Variants in EPHA6 observed in about 807,000 individuals in gnomAD.
The protein encoded by EPHA6 is ephrin type-A receptor 6.
A neutral mutation model predicts 112.0 loss-of-function variants in EPHA6; 50 were observed. The observed-to-expected ratio is 0.45, with a 90% CI of 0.36 to 0.56. The LOEUF (loss-of-function observed/expected upper bound fraction) is 0.56. Among genes scored for constraint, EPHA6 ranks in the 20% least tolerant of loss-of-function variants. The pLI is 0.00. For missense variants in EPHA6, 1,280 were observed against 1,417.4 expected, an observed-to-expected ratio of 0.90 and a Z score of 1.56; for synonymous variants, 529 against 490.7, an observed-to-expected ratio of 1.08 and a Z score of -1.03.
intron 11 of EPHA6, among the ~76,000 whole-genome samples, chr3:97,546,407 G>T (rs1245848933): frequency 6.6e-6 from 1 of 152,180 alleles, no homozygotes; most frequent in Non-Finnish European, 1.5e-5. Flanking sequence ...CTCTCTTCTG[G>T]CTTGTAGAGT....
At chr3:97,016,755 C>T (rs938322297) in intron 3 of EPHA6, among the ~76,000 whole-genome samples, 1 of 152,170 alleles carries the variant, frequency 6.6e-6, no homozygotes, top group Non-Finnish European at 1.5e-5. Flanking sequence ...TGGCTCTATA[C>T]ACTTGTCTCT....
chr3:97,250,589 T>C (rs1197466276), intron 5 of EPHA6, among the ~76,000 whole-genome samples: 1 of 152,240 alleles, frequency 6.6e-6, no homozygotes, highest in African/African-American at 2.4e-5. Context: ...TTAAACCAGA[T>C]TAGCAGATGT....
At chr3:97,698,600 CA>C (rs1329548830) in intron 14 of EPHA6, among the ~76,000 whole-genome samples, 3 of 152,204 alleles carry the variant, frequency 2.0e-5, no homozygotes, top group Non-Finnish European at 4.4e-5. Flanking sequence ...ATTTATAGGA[CA>C]TTTTTATTCA....
chr3:97,181,893 G>C (rs1214015265), intron 3 of EPHA6, among the ~76,000 whole-genome samples: 1 of 151,964 alleles, frequency 6.6e-6, no homozygotes. Context: ...GGTACTCCAG[G>C]GACTGTCACT....
chr3:96,893,677 G>A (rs1353441883), intron 2 of EPHA6, among the ~76,000 whole-genome samples: 1 of 152,192 alleles, frequency 6.6e-6, no homozygotes, highest in African/African-American at 2.4e-5. Flanking sequence ...AGAAGGGCCT[G>A]TATCAGATAC....
chr3:96,828,963 C>T (rs1000153977), intron 1 of EPHA6, among the ~76,000 whole-genome samples: 3 of 152,194 alleles, frequency 2.0e-5, no homozygotes, highest in Non-Finnish European at 2.9e-5. Flanking sequence ...AAAATAATGA[C>T]TTATACAAAG....
intron 6 of EPHA6, among the ~76,000 whole-genome samples, chr3:97,446,793 T>C (rs529166238): frequency 7.2e-5 from 11 of 152,298 alleles, no homozygotes; most frequent in African/African-American, 2.6e-4. Flanking sequence ...ATATGTGTTT[T>C]AAGCCACCTA....
chr3:97,277,540 G>A (rs1346265681), intron 5 of EPHA6, among the ~76,000 whole-genome samples: 1 of 152,192 alleles, frequency 6.6e-6, no homozygotes, highest in East Asian at 1.9e-4. Flanking sequence ...CTTGGGCTCA[G>A]AGGCCTGACA....
chr3:97,187,915 A>T (rs2077199755), intron 3 of EPHA6, among the ~76,000 whole-genome samples: 1 of 152,120 alleles, frequency 6.6e-6, no homozygotes, highest in African/African-American at 2.4e-5. Context: ...ACTCTCCCAA[A>T]ATATAAGAGG....
chr3:97,137,379 A>G (rs1273688724), intron 3 of EPHA6, among the ~76,000 whole-genome samples: 1 of 152,106 alleles, frequency 6.6e-6, no homozygotes, highest in Non-Finnish European at 1.5e-5. Flanking sequence ...GCTAGAGTCA[A>G]ACTGCTTGGA....
chr3:96,907,763 A>G (rs568780913), intron 2 of EPHA6, among the ~76,000 whole-genome samples: 2 of 151,948 alleles, frequency 1.3e-5, no homozygotes, highest in Non-Finnish European at 2.9e-5. Context: ...AAAATAATTT[A>G]CAACATACCT....
intron 5 of EPHA6, among the ~76,000 whole-genome samples, chr3:97,325,972 T>C (rs1047963787): frequency 1.3e-5 from 2 of 152,088 alleles, no homozygotes; most frequent in African/African-American, 4.8e-5. Context: ...CATAGGATTA[T>C]TCAAGAGATA....
chr3:97,518,289 G>A (rs2092478794), intron 10 of EPHA6, among the ~76,000 whole-genome samples: 1 of 152,048 alleles, frequency 6.6e-6, no homozygotes, highest in South Asian at 2.1e-4. Flanking sequence ...ATTATATCAG[G>A]TAACATCTCC....
chr3:97,127,881 T>A (rs28605128), intron 3 of EPHA6, among the ~76,000 whole-genome samples: 1,997 of 151,996 alleles, frequency 0.013, 28 homozygotes, highest in African/African-American at 0.045. Context: ...TTTTTTTTTT[T>A]ATTTTACTAG....
intron 3 of EPHA6, among the ~76,000 whole-genome samples, chr3:97,006,770 G>T (rs1020423578): frequency 1.3e-5 from 2 of 152,094 alleles, no homozygotes; most frequent in Admixed American, 6.6e-5. Flanking sequence ...TCTTAACACT[G>T]CTTTAGCTGT....
chr3:97,333,931 T>A (rs1343393597), intron 5 of EPHA6, among the ~76,000 whole-genome samples: 1 of 152,158 alleles, frequency 6.6e-6, no homozygotes, highest in Non-Finnish European at 1.5e-5. Context: ...TGTGGTGTTA[T>A]CTGTATGTTT....
At chr3:97,233,309 CAAAA>C (rs55764447) in intron 4 of EPHA6, among the ~76,000 whole-genome samples, 1 of 86,512 alleles carries the variant, frequency 1.2e-5, no homozygotes. Context: ...ACAATGTATG[CAAAA>C]AAAAAAAAAA....
At position 96,829,941 on chromosome 3, in the gene EPHA6, G is replaced by GCA. The variant is rs1559755049; in HGVS notation, c.385+14934_385+14935insAC. On this transcript the variant is annotated intron_variant, in intron 1 of 17. Coordinates refer to ENST00000389672, the MANE Select transcript of EPHA6 (RefSeq NM_001080448.3). ...TGTATACACATGCACGTGCATGTGC[G>GCA]CGCGCGCGCACACACACACACACAC... 3.7e-4 allele frequency among the ~76,000 whole-genome samples: 37 copies of GCA among 99,460 alleles called. No homozygotes were observed. In the East Asian group the frequency reaches 0.013, roughly 36 times the overall value. The allele number at this position is 99,460 out of a possible 152,430, so 65.2% of individuals were successfully genotyped here.
intron 5 of EPHA6, among the ~76,000 whole-genome samples, chr3:97,278,023 C>A (rs762034117): frequency 6.6e-6 from 1 of 152,152 alleles, no homozygotes; most frequent in Non-Finnish European, 1.5e-5. Context: ...TATCGTTGAC[C>A]GAAACATTAT....
Sources: gnomAD v4.1 joint callset for allele counts (sites outside exome capture counted in the v4.1 genomes callset) on GRCh38, gnomAD v4.1.1 for gene constraint, MANE v1.5 for transcripts, NCBI Gene and HGNC (gene_info 2026-07-23, HGNC 2026-07-21) for gene names.